Variants in GRM8 observed in about 807,000 individuals in gnomAD.
GRM8 encodes the protein metabotropic glutamate receptor 8.
GRM8 carries 47 observed loss-of-function variants against 87.2 expected under a neutral mutation model. That is an observed-to-expected ratio of 0.54 (90% CI 0.43 to 0.69). The LOEUF is 0.69. Among genes scored for constraint, GRM8 ranks in the 30% least tolerant of loss-of-function variants. The pLI, the probability that GRM8 is intolerant of heterozygous loss-of-function variation, is 0.00. For synonymous variants in GRM8, 396 were observed against 404.5 expected (o/e 0.98, Z 0.25); for missense variants, 1,019 against 1,139.2 (o/e 0.89, Z 1.52).
chr7:126,765,355 A>G (rs1035242404), intron 7 of GRM8, among the ~76,000 whole-genome samples: 1 of 152,040 alleles, frequency 6.6e-6, no homozygotes, highest in Non-Finnish European at 1.5e-5. Context: ...CCTGATGCAC[A>G]TTCACAAATT....
Position 127,161,576 on chromosome 7 carries a change from G to A in GRM8, c.511-54864C>T, listed in dbSNP as rs145982703. 2.6e-4 allele frequency among the ~76,000 whole-genome samples: 39 copies of A among 152,248 alleles called. No individual in the cohort carries two copies. In the East Asian group the frequency reaches 6.8e-3, roughly 26 times the overall value. On this transcript the variant is annotated intron_variant, in intron 2 of 10. Transcript: ENST00000339582. Reference sequence around the variant, plus strand: ...TGTCCATGCATACACTTATGTGTGCGCATGCATGTGTACAGTAGAGCTGCT... The same window carrying A: ...TGTCCATGCATACACTTATGTGTGCACATGCATGTGTACAGTAGAGCTGCT...
At chr7:126,478,273 A>G (rs1380517031) in intron 9 of GRM8, among the ~76,000 whole-genome samples, 1 of 152,094 alleles carries the variant, frequency 6.6e-6, no homozygotes, top group Non-Finnish European at 1.5e-5. Context: ...TGAATGCCAC[A>G]TTTACTTTTT....
chr7:127,249,596 C>G (rs1006805623), intron 1 of GRM8, among the ~76,000 whole-genome samples: 12 of 152,146 alleles, frequency 7.9e-5, no homozygotes, highest in Middle Eastern at 3.4e-3. Flanking sequence ...AGCGTCCCTC[C>G]CAGTGAGTGG....
intron 3 of GRM8, among the ~76,000 whole-genome samples, chr7:126,951,627 G>T (rs1808170225): frequency 6.6e-6 from 1 of 152,042 alleles, no homozygotes; most frequent in Non-Finnish European, 1.5e-5. Flanking sequence ...ATAAATGCTA[G>T]AATTTAGTCA....
At chr7:126,885,285 G>A (rs966647823) in intron 6 of GRM8, among the ~76,000 whole-genome samples, 1 of 152,154 alleles carries the variant, frequency 6.6e-6, no homozygotes, top group Non-Finnish European at 1.5e-5. Context: ...TATTCATAGT[G>A]ATGTGCTATA....
At chr7:126,599,102 C>T (rs1320791908) in intron 8 of GRM8, among the ~76,000 whole-genome samples, 1 of 152,136 alleles carries the variant, frequency 6.6e-6, no homozygotes, top group South Asian at 2.1e-4. Flanking sequence ...AGAAGTCACT[C>T]AGTAACTCTA....
At chr7:127,053,360 C>A (rs1267424940) in intron 3 of GRM8, among the ~76,000 whole-genome samples, 2 of 152,216 alleles carry the variant, frequency 1.3e-5, no homozygotes, top group African/African-American at 4.8e-5. Context: ...TGTGGCCAGT[C>A]TCAGTCTAAG....
chr7:126,790,013 C>CCT (rs1554492676), intron 6 of GRM8, among the ~76,000 whole-genome samples: 2 of 146,100 alleles, frequency 1.4e-5, no homozygotes, highest in African/African-American at 5.0e-5. Flanking sequence ...TTCTCTCTCT[C>CCT]TTTTTTTTTT....
rs1458248337 is a variant in GRM8 at position 127,252,014 on chromosome 7, G to T, written c.-312+783C>A. Reference sequence around the variant, plus strand: ...TCCCCCGCGACCCCCATCCTCCCTAGATCCTGGTTAGACATCCATCCAGCC... The same window carrying T: ...TCCCCCGCGACCCCCATCCTCCCTATATCCTGGTTAGACATCCATCCAGCC... On this transcript the variant is annotated intron_variant, in intron 1 of 10. Transcript: ENST00000339582. The surrounding 1 kb of genome is among the most constrained non-coding windows in gnomAD (Gnocchi z 4.9). 5 of 152,190 alleles carry T rather than the reference G, an allele frequency of 3.3e-5. No individual in the cohort carries two copies. Among genetic ancestry groups the T allele is most frequent in the African/African-American group, 4.8e-5 (2 of 41,452 alleles). The allele number at this position is 152,190 out of a possible 1,614,324, so 9.4% of individuals were successfully genotyped here. A position where few individuals can be genotyped will look rare whatever the true frequency, so the allele number is the denominator to read the frequency against.
intron 2 of GRM8, among the ~76,000 whole-genome samples, chr7:127,129,588 G>A (rs894850250): frequency 7.2e-5 from 11 of 151,936 alleles, no homozygotes; most frequent in Admixed American, 1.3e-4. Context: ...GCCATGATAC[G>A]CCCTTCTCAA....
chr7:126,975,073 A>G (rs1383006440), intron 3 of GRM8, among the ~76,000 whole-genome samples: 1 of 152,168 alleles, frequency 6.6e-6, no homozygotes, highest in African/African-American at 2.4e-5. Flanking sequence ...GAACAAGAAT[A>G]TAACCCAATA....
chr7:127,251,441 G>A (rs1346703563), intron 1 of GRM8, among the ~76,000 whole-genome samples: 1 of 152,172 alleles, frequency 6.6e-6, no homozygotes, highest in African/African-American at 2.4e-5. Context: ...GCTTGGCATG[G>A]CTGAGCGGTC....
intron 7 of GRM8, among the ~76,000 whole-genome samples, chr7:126,687,218 C>A (rs1808282384): frequency 6.6e-6 from 1 of 152,258 alleles, no homozygotes; most frequent in Non-Finnish European, 1.5e-5. Flanking sequence ...TTGATAGCCA[C>A]TCTGACTTTT....
At chr7:127,038,634 A>G (rs1246420993) in intron 3 of GRM8, among the ~76,000 whole-genome samples, 2 of 151,160 alleles carry the variant, frequency 1.3e-5, no homozygotes, top group Non-Finnish European at 3.0e-5. Flanking sequence ...TAAAAGAAAG[A>G]GAAAATAAAA....
chr7:126,928,698 C>T (rs1043109182), intron 3 of GRM8, among the ~76,000 whole-genome samples: 10 of 150,728 alleles, frequency 6.6e-5, no homozygotes, highest in Non-Finnish European at 1.5e-4. Context: ...AAGTGCAAGG[C>T]ACTGTTAAAG....
At chr7:126,916,022 C>T (rs1803862105) in intron 3 of GRM8, among the ~76,000 whole-genome samples, 1 of 152,070 alleles carries the variant, frequency 6.6e-6, no homozygotes, top group Non-Finnish European at 1.5e-5. Context: ...GACTCTGCAG[C>T]AAAAAATACA....
At chr7:126,706,752 G>A (rs866107836) in intron 7 of GRM8, among the ~76,000 whole-genome samples, 5 of 152,266 alleles carry the variant, frequency 3.3e-5, no homozygotes, top group Middle Eastern at 6.8e-3. Context: ...AGGAAAAAGT[G>A]AACATGAGTA....
intron 2 of GRM8, among the ~76,000 whole-genome samples, chr7:127,218,390 C>G (rs538138804): frequency 6.6e-6 from 1 of 152,212 alleles, no homozygotes; most frequent in African/African-American, 2.4e-5. Flanking sequence ...TGCTTAAGAG[C>G]CTCATTCAGC....
At chr7:127,211,134 A>G (rs1285495424) in intron 2 of GRM8, among the ~76,000 whole-genome samples, 1 of 152,212 alleles carries the variant, frequency 6.6e-6, no homozygotes, top group East Asian at 1.9e-4. Context: ...GACTCATTCA[A>G]CCACAAGGCG....
Sources: allele counts gnomAD v4.1 joint callset (sites outside exome capture counted in the v4.1 genomes callset), GRCh38; gene constraint gnomAD v4.1.1; non-coding constraint Gnocchi (gnomAD v3.1); transcripts MANE v1.5; gene names NCBI Gene and HGNC (gene_info 2026-07-23, HGNC 2026-07-21).